PEAK1: variants seen among roughly 807,000 people sequenced by gnomAD.
PEAK1 encodes pseudopodium enriched atypical kinase 1.
Under a neutral mutation model 124.7 loss-of-function variants are expected in PEAK1, and 54 were observed. The ratio of observed to expected loss-of-function variants is 0.43; its 90% CI spans 0.35 to 0.54. The LOEUF (loss-of-function observed/expected upper bound fraction) is 0.54, where lower values mean the gene tolerates loss of function less well. Ranked by LOEUF, PEAK1 falls within the 20% of genes least tolerant of loss-of-function variation. The pLI is 0.01. For synonymous variants in PEAK1, 719 were observed against 760.0 expected, an observed-to-expected ratio of 0.95 and a Z score of 0.89; for missense variants, 2,046 against 2,134.5, an observed-to-expected ratio of 0.96 and a Z score of 0.82.
chr15:77,371,270 T>C, intron 1 of PEAK1: 1 of 961,234 alleles, frequency 1.0e-6, no homozygotes, highest in Non-Finnish European at 1.2e-6. Flanking sequence ...GCTACCTAAA[T>C]ACCTGTTGAA....
At chr15:77,382,429 C>T (rs2069558703) in intron 1 of PEAK1, among the ~76,000 whole-genome samples, 1 of 152,204 alleles carries the variant, frequency 6.6e-6, no homozygotes, top group African/African-American at 2.4e-5. Flanking sequence ...TTGTCTGATA[C>T]TCTTTCGCCT....
intron 2 of PEAK1, among the ~76,000 whole-genome samples, chr15:77,309,245 C>T (rs2064286672): frequency 6.6e-6 from 1 of 151,918 alleles, no homozygotes; most frequent in African/African-American, 2.4e-5. Flanking sequence ...AAAAGAGAAA[C>T]CTTAGAAACC....
intron 6 of PEAK1, among the ~76,000 whole-genome samples, chr15:77,216,068 CA>C (rs1164349161): frequency 1.3e-5 from 2 of 152,072 alleles, no homozygotes; most frequent in African/African-American, 4.8e-5. Flanking sequence ...ACAGCTTGTC[CA>C]TATCTTCAAA....
At chr15:77,261,859 G>T (rs532674839) in intron 5 of PEAK1, among the ~76,000 whole-genome samples, 4 of 152,156 alleles carry the variant, frequency 2.6e-5, no homozygotes, top group Admixed American at 1.3e-4. Flanking sequence ...CAGCCAGAGA[G>T]AAAGGTCGGG....
intron 8 of PEAK1, among the ~76,000 whole-genome samples, chr15:77,134,679 T>C (rs1256829066): frequency 2.0e-5 from 3 of 152,166 alleles, no homozygotes; most frequent in Non-Finnish European, 4.4e-5. Flanking sequence ...CAGAAAAATA[T>C]ACATGAAACT....
intron 6 of PEAK1, among the ~76,000 whole-genome samples, chr15:77,205,584 T>C (rs2058600812): frequency 3.9e-5 from 6 of 152,200 alleles, no homozygotes; most frequent in Admixed American, 3.9e-4. Context: ...CAGAATTGTG[T>C]GCACTCTGTA....
At chr15:77,255,416 T>C in intron 5 of PEAK1, 2 of 973,940 alleles carry the variant, frequency 2.1e-6, no homozygotes, top group Non-Finnish European at 2.4e-6. Context: ...ACAAAAGTTC[T>C]TCTCTCCCTG....
chr15:77,389,356 A>T (rs555372319), intron 1 of PEAK1, among the ~76,000 whole-genome samples: 95 of 152,330 alleles, frequency 6.2e-4, no homozygotes, highest in African/African-American at 2.2e-3. Flanking sequence ...AAAAAGCTGT[A>T]GAGTGAATCA....
intron 7 of PEAK1, among the ~76,000 whole-genome samples, chr15:77,168,171 A>C (rs1229295486): frequency 1.3e-5 from 2 of 152,022 alleles, no homozygotes. Context: ...ACATTTTACC[A>C]GTCTAAGAAG....
At chr15:77,139,817 AAT>A (rs1004012426) in intron 8 of PEAK1, among the ~76,000 whole-genome samples, 2 of 151,990 alleles carry the variant, frequency 1.3e-5, no homozygotes, top group South Asian at 4.1e-4. Flanking sequence ...ATACACATAT[AAT>A]ATATATATAA....
intron 1 of PEAK1, among the ~76,000 whole-genome samples, chr15:77,419,770 G>C (rs955021990): frequency 2.8e-4 from 41 of 148,848 alleles, no homozygotes; most frequent in Non-Finnish European, 4.9e-4. Context: ...GGGGGCGCGC[G>C]GCACCGGCGG....
At position 77,249,138 on chromosome 15, in the gene PEAK1, A is replaced by AT. The variant is rs558672440; in HGVS notation, c.-115+3228dup. Among the ~76,000 whole-genome samples the AT allele has an allele frequency of 8.0e-3, 1,180 of 147,008 alleles. 15 individuals are homozygous for AT. The highest frequency in any genetic ancestry group is 0.026 in the African/African-American group (1,061 of 40,480). On this transcript the variant is annotated intron_variant, in intron 6 of 9. Coordinates refer to ENST00000682557, the MANE Select transcript of PEAK1 (RefSeq NM_001385026.1). Reference sequence around the variant, plus strand: ...TGCCTGGCCTATTACTACTATTGAAATTTTTTTTTTTTCTGGACAAATTGC... The same window carrying AT: ...TGCCTGGCCTATTACTACTATTGAAATTTTTTTTTTTTTCTGGACAAATTGC...
At chr15:77,319,597 A>C (rs944074317) in intron 2 of PEAK1, among the ~76,000 whole-genome samples, 1 of 152,186 alleles carries the variant, frequency 6.6e-6, no homozygotes, top group Non-Finnish European at 1.5e-5. Flanking sequence ...CACTGAGATA[A>C]AAGGTTCTCT....
In PEAK1 at chr15:77,373,208, C is replaced by T. The variant is rs2068768466; in HGVS notation, c.-665-7983G>A. On this transcript the variant is annotated intron_variant, in intron 1 of 9. Transcript: ENST00000682557. ...CTGAATCCACTATGCTCTCTTATGC[C>T]CCTATGCCTTTGAAATTGTTATTTT... Among the ~76,000 whole-genome samples the T allele has an allele frequency of 3.3e-5, 5 of 152,138 alleles. No individual in the cohort carries two copies. The South Asian group carries it at 1.0e-3, about 32-fold the overall frequency.
At chr15:77,237,991 C>A in intron 6 of PEAK1, among the ~76,000 whole-genome samples, 1 of 152,150 alleles carries the variant, frequency 6.6e-6, no homozygotes, top group East Asian at 1.9e-4. Context: ...GTGAATGCAA[C>A]CATTCTACAT....
intron 1 of PEAK1, chr15:77,418,152 G>A (rs2073042231): frequency 3.0e-6 from 3 of 983,852 alleles, no homozygotes; most frequent in Non-Finnish European, 3.6e-6. Flanking sequence ...ACTATCAACT[G>A]GATAAAACGA....
intron 1 of PEAK1, among the ~76,000 whole-genome samples, chr15:77,369,424 CTTGGTT>C (rs1469569717): frequency 9.2e-5 from 14 of 152,224 alleles, no homozygotes; most frequent in African/African-American, 3.4e-4. Context: ...CCAAGTTGGT[CTTGGTT>C]TTCTAAATTC....
At chr15:77,124,602 C>T (rs997489671) in intron 9 of PEAK1, among the ~76,000 whole-genome samples, 1 of 152,228 alleles carries the variant, frequency 6.6e-6, no homozygotes, top group African/African-American at 2.4e-5. Context: ...CTTTGCCTTA[C>T]ATCAGGTCTC....
chr15:77,262,665 C>G (rs1426820802), intron 5 of PEAK1, among the ~76,000 whole-genome samples: 1 of 151,354 alleles, frequency 6.6e-6, no homozygotes, highest in Non-Finnish European at 1.5e-5. Context: ...GACACTTTAA[C>G]ACCCCACAGA....
Sources: allele counts gnomAD v4.1 joint callset (sites outside exome capture counted in the v4.1 genomes callset), GRCh38; gene constraint gnomAD v4.1.1; transcripts MANE v1.5; gene names NCBI Gene and HGNC (gene_info 2026-07-23, HGNC 2026-07-21).